The following NEGR1 variants were observed in gnomAD, a reference collection of about 807,000 sequenced individuals.
NEGR1 encodes the protein IgLON family member 4.
Under a neutral mutation model 40.9 loss-of-function variants are expected in NEGR1, and 10 were observed. The observed-to-expected ratio is 0.24, with a 90% CI of 0.15 to 0.42. The LOEUF (loss-of-function observed/expected upper bound fraction) is 0.42, where lower values mean the gene tolerates loss of function less well. NEGR1 is among the 10% of genes least tolerant of loss of function. NEGR1 has a pLI of 1.00. For missense variants in NEGR1, 352 were observed against 438.9 expected (o/e 0.80, Z 1.77); for synonymous variants, 185 against 166.8 (o/e 1.11, Z -0.84).
chr1:71,628,362 C>T (rs1337767511), intron 4 of NEGR1, among the ~76,000 whole-genome samples: 1 of 151,902 alleles, frequency 6.6e-6, no homozygotes, highest in Non-Finnish European at 1.5e-5. Flanking sequence ...TAAATGAATG[C>T]ATTATGTCCA....
chr1:72,157,491 T>G (rs1651403099), intron 1 of NEGR1, among the ~76,000 whole-genome samples: 1 of 152,168 alleles, frequency 6.6e-6, no homozygotes, highest in Non-Finnish European at 1.5e-5. Context: ...CACATATATT[T>G]CTTATAGACA....
chr1:72,223,247 T>C (rs910041205), intron 1 of NEGR1, among the ~76,000 whole-genome samples: 1 of 152,152 alleles, frequency 6.6e-6, no homozygotes, highest in African/African-American at 2.4e-5. Flanking sequence ...ATGAGCATTT[T>C]TGCATTAACT....
intron 1 of NEGR1, among the ~76,000 whole-genome samples, chr1:72,127,908 C>T (rs1267377377): frequency 6.6e-6 from 1 of 151,594 alleles, no homozygotes; most frequent in Non-Finnish European, 1.5e-5. Flanking sequence ...GTGGAAAAAA[C>T]AAAACAAACA....
rs1645813643 is a variant in NEGR1, at chr1:71,928,361, T to TGTGTATATATGTATATATAC, written c.409+6717_409+6718insGTATATATACATATATACAC. ...ATATACACACATGTGTATATATATA[T>TGTGTATATATGTATATATAC]ACACATATGTATATATGTATATATA... On this transcript the variant is annotated intron_variant, in intron 2 of 6. Transcript: ENST00000357731. Among the ~76,000 whole-genome samples, 12 of 84,628 alleles carry TGTGTATATATGTATATATAC rather than the reference T, an allele frequency of 1.4e-4. 2 individuals carry two copies. Among genetic ancestry groups the TGTGTATATATGTATATATAC allele is most frequent in the Admixed American group, 1.0e-3 (7 of 6,722 alleles). 55.5% of individuals were successfully genotyped at this position (84,628 alleles called of 152,430 possible).
intron 1 of NEGR1, among the ~76,000 whole-genome samples, chr1:72,192,227 C>A (rs139565237): frequency 4.6e-5 from 7 of 151,646 alleles, no homozygotes; most frequent in Non-Finnish European, 2.9e-5. Context: ...CAGTCATGTG[C>A]GACAAGATGT....
intron 1 of NEGR1, among the ~76,000 whole-genome samples, chr1:72,148,778 G>A (rs535757769): frequency 6.6e-6 from 1 of 152,220 alleles, no homozygotes; most frequent in African/African-American, 2.4e-5. Flanking sequence ...CTTTGCTCCG[G>A]TTCCCAACAA....
intron 2 of NEGR1, chr1:71,794,246 A>G (rs981551141): frequency 6.6e-6 from 1 of 152,168 alleles, no homozygotes; most frequent in Admixed American, 6.6e-5. Flanking sequence ...ATTAAATTCC[A>G]TTTTATTTAC....
intron 5 of NEGR1, among the ~76,000 whole-genome samples, chr1:71,602,531 G>A (rs930862822): frequency 6.6e-6 from 1 of 151,998 alleles, no homozygotes; most frequent in Non-Finnish European, 1.5e-5. Flanking sequence ...GATTACAGGC[G>A]TGAGCCACCG....
At chr1:71,915,118 G>C (rs184055925) in intron 2 of NEGR1, among the ~76,000 whole-genome samples, 1 of 151,434 alleles carries the variant, frequency 6.6e-6, no homozygotes, top group East Asian at 1.9e-4. Context: ...TTAATGTTTT[G>C]TCAGGCTAGG....
At chr1:71,688,381 A>AAAGATATAAAAAAGATATATAT (rs1324758534) in intron 4 of NEGR1, among the ~76,000 whole-genome samples, 5 of 104,964 alleles carry the variant, frequency 4.8e-5, no homozygotes, top group Non-Finnish European at 1.0e-4. Context: ...TATATACATA[A>AAAGATATAAAAAAGATATATAT]AAGATATATA....
At chr1:71,686,969 T>C (rs1653060675) in intron 4 of NEGR1, among the ~76,000 whole-genome samples, 1 of 152,178 alleles carries the variant, frequency 6.6e-6, no homozygotes. Context: ...TAATTACTGA[T>C]ATACTTCCCT....
intron 3 of NEGR1, among the ~76,000 whole-genome samples, chr1:71,767,484 C>T (rs1382783297): frequency 6.6e-6 from 1 of 152,118 alleles, no homozygotes; most frequent in Admixed American, 6.5e-5. Flanking sequence ...AGTAGCCTGG[C>T]TGCTTCTAAC....
intron 1 of NEGR1, among the ~76,000 whole-genome samples, chr1:72,158,633 C>A (rs1286139449): frequency 6.6e-6 from 1 of 152,116 alleles, no homozygotes; most frequent in Non-Finnish European, 1.5e-5. Context: ...ATTTTGGATG[C>A]AATTTTAAGT....
intron 6 of NEGR1, among the ~76,000 whole-genome samples, chr1:71,450,010 A>G (rs188135761): frequency 7.7e-6 from 1 of 129,172 alleles, no homozygotes; most frequent in Admixed American, 7.8e-5. Context: ...TTTTTTTTTG[A>G]GACGGAGTCT....
chr1:71,637,815 C>T lies in NEGR1; in HGVS notation c.668-26669G>A, dbSNP rs546060996. Among the ~76,000 whole-genome samples the T allele has an allele frequency of 7.9e-5, 12 of 152,064 alleles. No individual in the cohort carries two copies. The South Asian group carries it at 2.5e-3, about 32-fold the overall frequency. ...AGGCATGCAGAGGTCACCTAACCCA[C>T]GTTACTGGATATCTCTGGGCATTAT... On this transcript the variant is annotated intron_variant, in intron 4 of 6. Transcript: ENST00000357731.
intron 1 of NEGR1, among the ~76,000 whole-genome samples, chr1:72,150,212 C>A (rs1651070156): frequency 6.6e-6 from 1 of 152,098 alleles, no homozygotes; most frequent in South Asian, 2.1e-4. Context: ...AATCCTGCCA[C>A]CTGTCATGAA....
At chr1:71,664,338 T>C (rs139150997) in intron 4 of NEGR1, among the ~76,000 whole-genome samples, 33 of 152,336 alleles carry the variant, frequency 2.2e-4, no homozygotes, top group African/African-American at 2.6e-4. Flanking sequence ...AAGATTCTGA[T>C]GTTAGAACAT....
chr1:72,049,099 G>C lies in NEGR1; in HGVS notation c.177-113788C>G, dbSNP rs141252727. ...GAAACTAGAAGGGCTGAGTCAAGAG[G>C]ATAGCTTGAGGCCAGGAGTTCAAGA... On this transcript the variant is annotated intron_variant, in intron 1 of 6. Transcript: ENST00000357731. 6.5e-3 allele frequency among the ~76,000 whole-genome samples: 989 copies of C among 151,586 alleles called. 6 individuals carry two copies. The highest frequency in any genetic ancestry group is 0.014 in the Middle Eastern group (4 of 294).
intron 3 of NEGR1, among the ~76,000 whole-genome samples, chr1:71,767,014 C>G (rs997455878): frequency 6.6e-6 from 1 of 152,108 alleles, no homozygotes; most frequent in Non-Finnish European, 1.5e-5. Flanking sequence ...AACAAGGAAC[C>G]AATTAAACTT....
Sources: allele counts gnomAD v4.1 joint callset (sites outside exome capture counted in the v4.1 genomes callset), GRCh38; gene constraint gnomAD v4.1.1; transcripts MANE v1.5; gene names NCBI Gene and HGNC (gene_info 2026-07-23, HGNC 2026-07-21).